DUS2: variants seen among roughly 807,000 people sequenced by gnomAD.
DUS2 encodes tRNA-dihydrouridine(20) synthase [NAD(P)+]-like.
Under a neutral mutation model 71.3 loss-of-function variants are expected in DUS2, and 52 were observed. The ratio of observed to expected loss-of-function variants is 0.73; its 90% CI spans 0.58 to 0.92. The LOEUF (loss-of-function observed/expected upper bound fraction) is 0.92. Ranked by LOEUF, DUS2 falls within the 40% of genes least tolerant of loss-of-function variation. DUS2 has a pLI of 0.00. For missense variants in DUS2, 558 were observed against 622.6 expected (o/e 0.90, Z 1.10); for synonymous variants, 204 against 227.8 (o/e 0.90, Z 0.94).
chr16:68,042,941 C>T (rs1180382264), intron 3 of DUS2, among the ~76,000 whole-genome samples: 1 of 152,102 alleles, frequency 6.6e-6, no homozygotes, highest in African/African-American at 2.4e-5. Flanking sequence ...CTCCTGGCCT[C>T]AGATGATCTG....
intron 13 of DUS2, among the ~76,000 whole-genome samples, chr16:68,075,151 C>T (rs181760389): frequency 5.9e-5 from 9 of 152,334 alleles, no homozygotes; most frequent in South Asian, 2.1e-4. Context: ...CCAGTGTCCA[C>T]GCTTGGGTTC....
At chr16:68,046,115 T>C (rs1285153480) in intron 3 of DUS2, among the ~76,000 whole-genome samples, 1 of 152,210 alleles carries the variant, frequency 6.6e-6, no homozygotes, top group Admixed American at 6.5e-5. Flanking sequence ...TGTGTGATGC[T>C]GAGGGTTTGG....
intron 6 of DUS2, 114 bp downstream of exon 6, chr16:68,054,731 T>C (rs2033827320): frequency 7.7e-7 from 1 of 1,291,208 alleles, no homozygotes; most frequent in African/African-American, 1.5e-5. Context: ...GCCCATTACC[T>C]TCTGTTTCCA....
At chr16:68,072,919 G>A (rs964119349) in intron 12 of DUS2, among the ~76,000 whole-genome samples, 7 of 152,246 alleles carry the variant, frequency 4.6e-5, no homozygotes, top group African/African-American at 1.7e-4. Flanking sequence ...TAACCCATGT[G>A]AACTAAATGA....
intron 2 of DUS2, among the ~76,000 whole-genome samples, chr16:68,035,077 T>C (rs2033497626): frequency 6.6e-6 from 1 of 152,102 alleles, no homozygotes. Context: ...TTTTTCCTCC[T>C]GTTGGCTCTC....
chr16:68,029,278 T>G (rs971179597), intron 2 of DUS2, among the ~76,000 whole-genome samples: 5 of 152,080 alleles, frequency 3.3e-5, no homozygotes, highest in African/African-American at 1.2e-4. Context: ...CATGTGCATG[T>G]ATTTTGTTTT....
intron 14 of DUS2, 104 bp downstream of exon 14, chr16:68,075,608 A>T: frequency 8.4e-7 from 1 of 1,193,444 alleles, no homozygotes; most frequent in Non-Finnish European, 1.1e-6. Context: ...AAACGTAGGG[A>T]CCACAGGTCT....
At chr16:68,076,570 C>T (rs1472684722) in intron 14 of DUS2, 62 bp from the exon 15 acceptor site, 3 of 1,312,050 alleles carry the variant, frequency 2.3e-6, no homozygotes, top group Non-Finnish European at 3.3e-6. Flanking sequence ...TGAGTAGTGC[C>T]CTGGCTGAGG....
chr16:68,045,007 G>T (rs1468834459), intron 3 of DUS2, among the ~76,000 whole-genome samples: 1 of 151,940 alleles, frequency 6.6e-6, no homozygotes, highest in African/African-American at 2.4e-5. Context: ...TGGTCAGGCT[G>T]GTCTTGAACT....
intron 7 of DUS2, among the ~76,000 whole-genome samples, chr16:68,059,441 G>A (rs1023904755): frequency 2.0e-5 from 3 of 152,162 alleles, no homozygotes; most frequent in African/African-American, 7.2e-5. Flanking sequence ...GATTCTATAA[G>A]GAAGGGCTGG....
At chr16:68,072,123 T>C (rs540844954) in intron 12 of DUS2, among the ~76,000 whole-genome samples, 17 of 152,350 alleles carry the variant, frequency 1.1e-4, no homozygotes, top group Middle Eastern at 3.4e-3. Context: ...GGTTCATACC[T>C]GCCTAGGAGT....
intron 6 of DUS2, among the ~76,000 whole-genome samples, chr16:68,055,210 G>A (rs1159044728): frequency 6.6e-6 from 1 of 152,102 alleles, no homozygotes; most frequent in Non-Finnish European, 1.5e-5. Flanking sequence ...CCATGACTAT[G>A]AGTCCTGAAG....
intron 7 of DUS2, among the ~76,000 whole-genome samples, 153 bp from the exon 8 acceptor site, chr16:68,060,913 C>T (rs2151422102): frequency 6.6e-6 from 1 of 152,282 alleles, no homozygotes; most frequent in African/African-American, 2.4e-5. Flanking sequence ...TACTGCTGCC[C>T]TCCTACTTGT....
chr16:68,036,585 G>A (rs976473485), intron 2 of DUS2, among the ~76,000 whole-genome samples: 1 of 151,940 alleles, frequency 6.6e-6, no homozygotes, highest in Admixed American at 6.6e-5. Context: ...TTACAAGCGC[G>A]AGCCACAGTG....
At chr16:68,057,507 A>T (rs912446659) in intron 7 of DUS2, among the ~76,000 whole-genome samples, 19 of 151,840 alleles carry the variant, frequency 1.3e-4, no homozygotes, top group Non-Finnish European at 2.5e-4. Context: ...CTGATGCAGG[A>T]GGATCACTTG....
chr16:68,030,315 C>G (rs1309389243), intron 2 of DUS2, among the ~76,000 whole-genome samples: 1 of 151,828 alleles, frequency 6.6e-6, no homozygotes, highest in Admixed American at 6.6e-5. Flanking sequence ...CACCGGAGGC[C>G]AGGAGTGGTG....
At chr16:68,066,425 G>A (rs1483651202) in intron 9 of DUS2, 43 bp downstream of exon 9, 1 of 1,604,916 alleles carries the variant, frequency 6.2e-7, no homozygotes, top group South Asian at 1.1e-5. Context: ...TCTCTCTGGT[G>A]ATGTTGGATT....
intron 9 of DUS2, 65 bp from the exon 10 acceptor site, chr16:68,066,501 T>G: frequency 1.3e-6 from 2 of 1,595,538 alleles, no homozygotes; most frequent in Middle Eastern, 3.3e-4. Flanking sequence ...CTGAGCCTAC[T>G]TTAGGAGGCA....
intron 1 of DUS2, among the ~76,000 whole-genome samples, chr16:68,024,307 C>T (rs2033310432): frequency 6.6e-6 from 1 of 152,056 alleles, no homozygotes; most frequent in Admixed American, 6.6e-5. Context: ...CTATGTAGGC[C>T]TGGCTGGTCT....
Sources: allele counts gnomAD v4.1 joint callset (sites outside exome capture counted in the v4.1 genomes callset), GRCh38; gene constraint gnomAD v4.1.1; transcripts MANE v1.5; gene names NCBI Gene and HGNC (gene_info 2026-07-23, HGNC 2026-07-21).